RNF4: variants seen among roughly 807,000 people sequenced by gnomAD.
RNF4 encodes ring finger protein 4.
RNF4 carries 7 observed loss-of-function variants against 24.3 expected under a neutral mutation model. The observed-to-expected ratio is 0.29, with a 90% confidence interval of 0.16 to 0.54. RNF4 has a LOEUF of 0.54. RNF4 is among the 20% of genes least tolerant of loss of function. The probability of loss-of-function intolerance (pLI) is 0.95; values close to 1 mark genes in which losing one functional copy is unlikely to be tolerated. For missense variants in RNF4, 209 were observed against 248.5 expected, an observed-to-expected ratio of 0.84 and a Z score of 1.07; for synonymous variants, 83 against 84.3, an observed-to-expected ratio of 0.98 and a Z score of 0.09.
intron 2 of RNF4, chr4:2,494,433 G>A (rs1735674807): frequency 1.4e-5 from 2 of 145,254 alleles, no homozygotes; most frequent in Admixed American, 1.4e-4. Flanking sequence ...CTGGAGTGCA[G>A]TGGCATGATC....
chr4:2,486,353 C>A (rs1269740453), intron 1 of RNF4, among the ~76,000 whole-genome samples: 1 of 152,114 alleles, frequency 6.6e-6, no homozygotes, highest in African/African-American at 2.4e-5. Context: ...CTAAGGTCTC[C>A]ATTCACTCTG....
At position 2,515,283 on chromosome 4, in the gene RNF4, G is replaced by A. The variant is rs1736384352; in HGVS notation, c.*1464G>A. 1 of 152,708 alleles carries A rather than the reference G, an allele frequency of 6.5e-6. No homozygotes were observed. Among genetic ancestry groups the A allele is most frequent in the African/African-American group, 2.4e-5 (1 of 41,478 alleles). 9.5% of individuals were successfully genotyped at this position (152,708 alleles called of 1,614,324 possible). ...ATTCACTTTAGACGGGGCTGAAGGAGTGTCCCTCCTCTATGTGAAAAGAAA... is the reference window on the plus strand; with the variant it reads ...ATTCACTTTAGACGGGGCTGAAGGAATGTCCCTCCTCTATGTGAAAAGAAA... On this transcript the variant is annotated 3_prime_UTR_variant, in exon 8 of 8. Transcript: ENST00000314289.
chr4:2,473,201 G>A (rs958599139), intron 1 of RNF4, among the ~76,000 whole-genome samples: 2 of 151,494 alleles, frequency 1.3e-5, no homozygotes, highest in Non-Finnish European at 2.9e-5. Flanking sequence ...GCCCAACATG[G>A]TGAAACCCCG....
Position 2,512,743 on chromosome 4 carries a change from G to A in RNF4, c.374+146G>A, listed in dbSNP as rs761688982. 20 of 932,544 alleles carry A rather than the reference G, an allele frequency of 2.1e-5. 1 individual carries two copies. Among genetic ancestry groups the A allele is most frequent in the South Asian group, 1.5e-4 (9 of 58,202 alleles). 57.8% of individuals were successfully genotyped at this position (932,544 alleles called of 1,614,324 possible). On this transcript the variant is annotated intron_variant, in intron 6 of 7. Coordinates refer to ENST00000314289, the MANE Select transcript of RNF4 (RefSeq NM_002938.5). This position sits in a 1 kb window ranked among gnomAD's most constrained non-coding sequence, Gnocchi z 4.1. ...AGCATCTGGATACAGTTGGAACTGG[G>A]TCCAGAACTGAGTCCAGCTATTCCC... is the stretch of plus-strand genomic sequence containing the variant.
intron 2 of RNF4, chr4:2,494,534 C>A (rs536817083): frequency 6.6e-6 from 1 of 151,960 alleles, no homozygotes; most frequent in Non-Finnish European, 1.5e-5. Context: ...CCCGCCACCA[C>A]GCCTGGCTAA....
chr4:2,473,601 AG>A (rs1268631831), intron 1 of RNF4, among the ~76,000 whole-genome samples: 6 of 151,896 alleles, frequency 4.0e-5, no homozygotes, highest in Non-Finnish European at 8.8e-5. Context: ...TTACGAGGTC[AG>A]GAGTTCACAA....
chr4:2,499,805 A>G (rs2108769475), intron 3 of RNF4, among the ~76,000 whole-genome samples: 1 of 152,286 alleles, frequency 6.6e-6, no homozygotes, highest in East Asian at 1.9e-4. Flanking sequence ...ATCAGTATAT[A>G]TCACTGTTAT....
chr4:2,482,062 G>A (rs1735260609), intron 1 of RNF4, among the ~76,000 whole-genome samples: 1 of 152,164 alleles, frequency 6.6e-6, no homozygotes, highest in Non-Finnish European at 1.5e-5. Flanking sequence ...TAGCCCTTTG[G>A]TGACAGCTTG....
At chr4:2,483,727 C>T (rs1313328213) in intron 1 of RNF4, among the ~76,000 whole-genome samples, 1 of 152,064 alleles carries the variant, frequency 6.6e-6, no homozygotes, top group Non-Finnish European at 1.5e-5. Context: ...TTGCTTGAAC[C>T]TGGGAGGTGG....
At chr4:2,479,694 T>G (rs1322310872) in intron 1 of RNF4, among the ~76,000 whole-genome samples, 1 of 152,130 alleles carries the variant, frequency 6.6e-6, no homozygotes, top group Non-Finnish European at 1.5e-5. Flanking sequence ...AATTGGCCAG[T>G]CTCAAGTATG....
At chr4:2,487,539 G>A (rs1369579854) in intron 1 of RNF4, among the ~76,000 whole-genome samples, 5 of 152,196 alleles carry the variant, frequency 3.3e-5, no homozygotes, top group Non-Finnish European at 5.9e-5. Context: ...GCCTGCCTCA[G>A]CCTCCCAGAG....
chr4:2,501,002 G>A (rs1735894249), intron 4 of RNF4, among the ~76,000 whole-genome samples: 1 of 152,266 alleles, frequency 6.6e-6, no homozygotes, highest in South Asian at 2.1e-4. Flanking sequence ...CGCCTATGGA[G>A]TAGGTCTGTG....
chr4:2,500,156 CAAAAA>C (rs5855735), intron 3 of RNF4, among the ~76,000 whole-genome samples: 1 of 77,202 alleles, frequency 1.3e-5, no homozygotes. Flanking sequence ...GACTCTGTCT[CAAAAA>C]AAAAAAAAAA....
rs1056314978 is a variant in RNF4, at chr4:2,512,683, C to T, written c.374+86C>T. The stretch of plus-strand genomic sequence containing the variant: ...ATACTTTTCAGCAAATCTGTGAGCC[C>T]TTGGCCCTGGAAGGGCTTGCCCAAG... On this transcript the variant is annotated intron_variant, in intron 6 of 7. Coordinates refer to ENST00000314289, the MANE Select transcript of RNF4 (RefSeq NM_002938.5). This position sits in a 1 kb window ranked among gnomAD's most constrained non-coding sequence, Gnocchi z 4.1. 1.3e-6 allele frequency: 2 copies of T among 1,504,840 alleles called. No homozygotes were observed. The highest frequency in any genetic ancestry group is 4.1e-5 in the Admixed American group (2 of 49,238). The allele number at this position is 1,504,840 out of a possible 1,614,324, so 93.2% of individuals were successfully genotyped here. A position where few individuals can be genotyped will look rare whatever the true frequency, so the allele number is the denominator to read the frequency against.
At chr4:2,469,774 G>A (rs566277862) in intron 1 of RNF4, 2 of 152,360 alleles carry the variant, frequency 1.3e-5, no homozygotes, top group South Asian at 4.1e-4. Context: ...GCCTGACCGT[G>A]GGGGCGCCGA....
At chr4:2,496,491 C>G (rs890848768) in intron 2 of RNF4, among the ~76,000 whole-genome samples, 4 of 152,020 alleles carry the variant, frequency 2.6e-5, no homozygotes, top group African/African-American at 9.7e-5. Flanking sequence ...GATGGAGTCT[C>G]ACACTGTCAC....
chr4:2,510,870 G>A (rs1280909833), intron 4 of RNF4, among the ~76,000 whole-genome samples: 1 of 152,214 alleles, frequency 6.6e-6, no homozygotes, highest in Non-Finnish European at 1.5e-5. Flanking sequence ...TTGTCTAGAT[G>A]TAAGTTCTGA....
chr4:2,473,180 G>A (rs574208531), intron 1 of RNF4, among the ~76,000 whole-genome samples: 3 of 151,444 alleles, frequency 2.0e-5, no homozygotes, highest in East Asian at 4.0e-4. Context: ...TCAGGAGTTT[G>A]AGACCAGCCT....
At chr4:2,477,746 C>T (rs1295570158) in intron 1 of RNF4, among the ~76,000 whole-genome samples, 8 of 152,170 alleles carry the variant, frequency 5.3e-5, no homozygotes, top group Non-Finnish European at 1.2e-4. Flanking sequence ...TTGTAAACTT[C>T]TTGCTTTTGT....
Sources: allele counts gnomAD v4.1 joint callset (sites outside exome capture counted in the v4.1 genomes callset), GRCh38; gene constraint gnomAD v4.1.1; non-coding constraint Gnocchi (gnomAD v3.1); transcripts MANE v1.5; gene names NCBI Gene and HGNC (gene_info 2026-07-23, HGNC 2026-07-21).